ROBO2: variants seen among roughly 807,000 people sequenced by gnomAD.
ROBO2 encodes roundabout guidance receptor 2.
Under a neutral mutation model 160.8 loss-of-function variants are expected in ROBO2, and 53 were observed. The observed-to-expected ratio is 0.33, with a 90% confidence interval of 0.26 to 0.41. The LOEUF is 0.41. ROBO2 is among the 10% of genes least tolerant of loss of function. The pLI is 1.00. For missense variants in ROBO2, 1,577 were observed against 1,722.4 expected, an observed-to-expected ratio of 0.92 and a Z score of 1.49; for synonymous variants, 664 against 611.7, an observed-to-expected ratio of 1.09 and a Z score of -1.26.
At chr3:77,538,222 A>G (rs1373780821) in intron 6 of ROBO2, among the ~76,000 whole-genome samples, 2 of 126,592 alleles carry the variant, frequency 1.6e-5, no homozygotes, top group Non-Finnish European at 3.1e-5. Context: ...TCTGTCACCC[A>G]GGCTGGAGTG....
At chr3:76,736,283 AAAAATAAAAT>A (rs61262841) in intron 2 of ROBO2, among the ~76,000 whole-genome samples, 7 of 119,450 alleles carry the variant, frequency 5.9e-5, no homozygotes, top group Admixed American at 8.4e-5. Flanking sequence ...CTCCGTCTCA[AAAAATAAAAT>A]AAAATAAAAT....
intron 24 of ROBO2, among the ~76,000 whole-genome samples, chr3:77,643,977 A>G (rs1421039748): frequency 6.6e-6 from 1 of 152,166 alleles, no homozygotes; most frequent in Non-Finnish European, 1.5e-5. Flanking sequence ...AATAGCCCAT[A>G]CATAGAAAGA....
At chr3:77,639,910 G>A (rs2095322560) in intron 24 of ROBO2, among the ~76,000 whole-genome samples, 1 of 152,138 alleles carries the variant, frequency 6.6e-6, no homozygotes, top group South Asian at 2.1e-4. Flanking sequence ...ATAGATGACG[G>A]TGGTTCATAC....
chr3:76,534,864 G>A (rs1348073163), intron 2 of ROBO2, among the ~76,000 whole-genome samples: 1 of 152,032 alleles, frequency 6.6e-6, no homozygotes, highest in East Asian at 1.9e-4. Flanking sequence ...GAGAGGTGAT[G>A]GTTTTAAGGA....
chr3:76,017,613 G>C (rs759524770), intron 2 of ROBO2, among the ~76,000 whole-genome samples: 108 of 152,112 alleles, frequency 7.1e-4, no homozygotes, highest in Non-Finnish European at 7.4e-4. Flanking sequence ...TAAGGCTAAG[G>C]TCCAAACACT....
At chr3:76,122,283 T>C (rs1414916907) in intron 2 of ROBO2, among the ~76,000 whole-genome samples, 1 of 151,978 alleles carries the variant, frequency 6.6e-6, no homozygotes, top group Non-Finnish European at 1.5e-5. Context: ...ACCTCAAATT[T>C]AACCAAATGT....
chr3:75,970,067 C>CT (rs1279304919), intron 2 of ROBO2, among the ~76,000 whole-genome samples: 2 of 151,390 alleles, frequency 1.3e-5, no homozygotes, highest in Admixed American at 6.6e-5. Flanking sequence ...TGTGTACAGT[C>CT]TAAGATAAGG....
chr3:76,498,050 C>A (rs1410885352), intron 2 of ROBO2, among the ~76,000 whole-genome samples: 1 of 152,096 alleles, frequency 6.6e-6, no homozygotes, highest in Non-Finnish European at 1.5e-5. Context: ...TCTGCCTTCC[C>A]AATTTGAAGA....
intron 2 of ROBO2, among the ~76,000 whole-genome samples, chr3:77,198,825 C>G (rs1019652049): frequency 1.3e-5 from 2 of 152,018 alleles, no homozygotes; most frequent in African/African-American, 2.4e-5. Flanking sequence ...ATCGCTTGAA[C>G]CCGGGAGGTG....
At chr3:77,481,244 A>AT in intron 4 of ROBO2, 25 bp downstream of exon 4, 8 of 1,487,582 alleles carry the variant, frequency 5.4e-6, no homozygotes, top group South Asian at 1.5e-5. Context: ...TAAATTATAA[A>AT]TTTTTATTTT....
chr3:76,165,024 T>C lies in ROBO2; in HGVS notation c.109+227422T>C, dbSNP rs544426206. ...GTCAAAGCTTTGCCAAGAAAAGAAATGTATAAACCATATTTGACAACATAC... is the reference window on the plus strand; with the variant it reads ...GTCAAAGCTTTGCCAAGAAAAGAAACGTATAAACCATATTTGACAACATAC... On this transcript the variant is annotated intron_variant, in intron 2 of 26. Transcript: ENST00000487694. Among the ~76,000 whole-genome samples, 11 of 151,462 alleles carry C rather than the reference T, an allele frequency of 7.3e-5. No individual in the cohort carries two copies. The East Asian group carries it at 1.8e-3, about 24-fold the overall frequency.
At position 76,238,531 on chromosome 3, in the gene ROBO2, T is replaced by C. The variant is rs147038123; in HGVS notation, c.109+300929T>C. On this transcript the variant is annotated intron_variant, in intron 2 of 26. Coordinates refer to the ROBO2 transcript ENST00000487694. Reference sequence around the variant, plus strand: ...CATGGGGAAAACCACGGCCATGATGTAATCACCTCCCCCCAGGTCTCCCCC... The same window carrying C: ...CATGGGGAAAACCACGGCCATGATGCAATCACCTCCCCCCAGGTCTCCCCC... Among the ~76,000 whole-genome samples the C allele has an allele frequency of 5.4e-5, 8 of 149,362 alleles. No individual in the cohort carries two copies. The East Asian group carries it at 1.6e-3, about 30-fold the overall frequency.
intron 2 of ROBO2, among the ~76,000 whole-genome samples, chr3:76,796,496 G>C (rs2063706327): frequency 8.5e-6 from 1 of 118,134 alleles, no homozygotes; most frequent in African/African-American, 4.4e-5. Flanking sequence ...AGGAAGGAAG[G>C]AAGGAAAGAA....
chr3:76,461,999 C>T, intron 2 of ROBO2, among the ~76,000 whole-genome samples: 1 of 152,060 alleles, frequency 6.6e-6, no homozygotes, highest in Non-Finnish European at 1.5e-5. Flanking sequence ...ATCCTCTTTC[C>T]TCCTCCATCC....
At chr3:76,291,474 C>A (rs1318199441) in intron 2 of ROBO2, among the ~76,000 whole-genome samples, 2 of 151,934 alleles carry the variant, frequency 1.3e-5, no homozygotes, top group African/African-American at 4.8e-5. Flanking sequence ...TTCAAGGAAC[C>A]AACCTGTTGC....
At chr3:76,305,087 C>T (rs1211076722) in intron 2 of ROBO2, among the ~76,000 whole-genome samples, 1 of 151,842 alleles carries the variant, frequency 6.6e-6, no homozygotes, top group Non-Finnish European at 1.5e-5. Flanking sequence ...GTTCTGTGGT[C>T]ATCTTGGGAG....
chr3:77,469,831 C>G (rs907876762), intron 2 of ROBO2, among the ~76,000 whole-genome samples: 1 of 152,160 alleles, frequency 6.6e-6, no homozygotes, highest in Non-Finnish European at 1.5e-5. Flanking sequence ...CAGCACACAT[C>G]TTGAAGGAGA....
At chr3:76,216,280 A>G (rs867057555) in intron 2 of ROBO2, among the ~76,000 whole-genome samples, 3 of 152,232 alleles carry the variant, frequency 2.0e-5, no homozygotes, top group Non-Finnish European at 4.4e-5. Flanking sequence ...AGCTAACATC[A>G]TAATGAGAGG....
intron 2 of ROBO2, among the ~76,000 whole-genome samples, chr3:75,980,901 T>C (rs2065256578): frequency 3.0e-5 from 2 of 67,398 alleles, no homozygotes; most frequent in African/African-American, 7.0e-5. Context: ...AGATACACAT[T>C]GATGTTAAAA....
Sources: gnomAD v4.1 joint callset for allele counts (sites outside exome capture counted in the v4.1 genomes callset) on GRCh38, gnomAD v4.1.1 for gene constraint, MANE v1.5 for transcripts, NCBI Gene and HGNC (gene_info 2026-07-23, HGNC 2026-07-21) for gene names.